The following MACROD1 variants were observed in gnomAD, a reference collection of about 807,000 sequenced individuals.
MACROD1 encodes mono-ADP ribosylhydrolase 1.
A neutral mutation model predicts 41.4 loss-of-function variants in MACROD1; 31 were observed. The ratio of observed to expected loss-of-function variants is 0.75; its 90% CI spans 0.56 to 1.01. MACROD1 has a LOEUF of 1.01. Ranked by LOEUF, MACROD1 falls within the 50% of genes least tolerant of loss-of-function variation. The pLI, the probability that MACROD1 is intolerant of heterozygous loss-of-function variation, is 0.00. For synonymous variants in MACROD1, 252 were observed against 203.4 expected, an observed-to-expected ratio of 1.24 and a Z score of -2.03; for missense variants, 473 against 460.0, an observed-to-expected ratio of 1.03 and a Z score of -0.26.
intron 4 of MACROD1, among the ~76,000 whole-genome samples, chr11:64,010,179 G>A (rs1942981994): frequency 6.6e-6 from 1 of 150,888 alleles, no homozygotes; most frequent in Non-Finnish European, 1.5e-5. Context: ...GTTGGTTGGT[G>A]TGTTGGCTGG....
intron 3 of MACROD1, among the ~76,000 whole-genome samples, chr11:64,028,308 T>C (rs950191316): frequency 3.3e-5 from 5 of 152,174 alleles, no homozygotes; most frequent in Non-Finnish European, 4.4e-5. Context: ...GGCCTTGTCC[T>C]GTGGGGACAC....
chr11:64,144,871 C>T (rs570882654), intron 3 of MACROD1, among the ~76,000 whole-genome samples: 2 of 152,402 alleles, frequency 1.3e-5, no homozygotes, highest in South Asian at 2.1e-4. Flanking sequence ...CAGATCACTT[C>T]CCACAAGGCA....
Position 64,036,840 on chromosome 11 carries a change from G to T in MACROD1, c.518-21559C>A, listed in dbSNP as rs2134376139. 6.6e-6 allele frequency among the ~76,000 whole-genome samples: 1 copy of T among 152,300 alleles called. No individual in the cohort carries two copies. Among genetic ancestry groups the T allele is most frequent in the South Asian group, 2.1e-4 (1 of 4,828 alleles). On this transcript the variant is annotated intron_variant, in intron 3 of 10. Transcript: ENST00000255681. This position sits in a 1 kb window ranked among gnomAD's most constrained non-coding sequence, Gnocchi z 5.6. Reference sequence around the variant, plus strand: ...CCCATCCCCCAGCTCTCAAGACAAGGAGGCGGCCCGACCCGGCGGCGCACG... The same window carrying T: ...CCCATCCCCCAGCTCTCAAGACAAGTAGGCGGCCCGACCCGGCGGCGCACG...
At chr11:64,109,429 C>T (rs186452255) in intron 3 of MACROD1, among the ~76,000 whole-genome samples, 124 of 152,260 alleles carry the variant, frequency 8.1e-4, no homozygotes, top group African/African-American at 2.8e-3. Flanking sequence ...TCTCCCCACT[C>T]GTGACACTGG....
intron 8 of MACROD1, 32 bp from the exon 9 acceptor site, chr11:63,999,068 C>A: frequency 6.4e-7 from 1 of 1,562,000 alleles, no homozygotes; most frequent in Non-Finnish European, 8.7e-7. Flanking sequence ...CTGGGCCGAG[C>A]TGCCACGCCT....
chr11:64,096,836 C>G lies in MACROD1; in HGVS notation c.517+54403G>C, dbSNP rs946348788. Among the ~76,000 whole-genome samples, 1 of 152,214 alleles carries G rather than the reference C, an allele frequency of 6.6e-6. No individual in the cohort carries two copies. Among genetic ancestry groups the G allele is most frequent in the African/African-American group, 2.4e-5 (1 of 41,468 alleles). On this transcript the variant is annotated intron_variant, in intron 3 of 10. Coordinates refer to ENST00000255681, the MANE Select transcript of MACROD1 (RefSeq NM_014067.4). This position sits in a 1 kb window ranked among gnomAD's most constrained non-coding sequence, Gnocchi z 4.6. ...CTGCCGTGTCCCCATACCCTCCAAG[C>G]ACACTGCCAGCTGTGTCCCTTCGAG... is the stretch of plus-strand genomic sequence containing the variant.
At chr11:64,002,250 G>A (rs1942838179) in intron 4 of MACROD1, among the ~76,000 whole-genome samples, 1 of 152,180 alleles carries the variant, frequency 6.6e-6, no homozygotes, top group African/African-American at 2.4e-5. Context: ...GTCTCTGGGG[G>A]CTCACCGCCC....
At chr11:64,110,162 G>T (rs1379855161) in intron 3 of MACROD1, among the ~76,000 whole-genome samples, 1 of 152,110 alleles carries the variant, frequency 6.6e-6, no homozygotes, top group Non-Finnish European at 1.5e-5. Flanking sequence ...AAATAACACA[G>T]CCTGAGGCCC....
chr11:64,058,922 T>A (rs947132262), intron 3 of MACROD1, among the ~76,000 whole-genome samples: 1 of 151,782 alleles, frequency 6.6e-6, no homozygotes, highest in Admixed American at 6.6e-5. Flanking sequence ...GAGGTGGGGG[T>A]GAGTGACACA....
chr11:64,086,885 A>G (rs1001952906), intron 3 of MACROD1: 1 of 152,136 alleles, frequency 6.6e-6, no homozygotes, highest in African/African-American at 2.4e-5. Context: ...GGTAGCAGGC[A>G]GCCCGCTAGC....
At position 64,051,479 on chromosome 11, in the gene MACROD1, G is replaced by A. The variant is rs1034521960; in HGVS notation, c.518-36198C>T. ...TGATTGAGTCTCATTGTTGTGGGGC[G>A]GGGGCACCCTCTCGGAAGCCTCGCT... On this transcript the variant is annotated intron_variant, in intron 3 of 10. Coordinates refer to ENST00000255681, the MANE Select transcript of MACROD1 (RefSeq NM_014067.4). 2.6e-5 allele frequency among the ~76,000 whole-genome samples: 4 copies of A among 152,310 alleles called. No homozygotes were observed. The South Asian group carries it at 6.2e-4, about 24-fold the overall frequency.
chr11:63,999,192 G>A (rs1472126487), intron 8 of MACROD1, 139 bp downstream of exon 8: 2 of 1,352,430 alleles, frequency 1.5e-6, no homozygotes, highest in Non-Finnish European at 2.0e-6. Flanking sequence ...CCACCGCCAG[G>A]CGCCCTTGCG....
intron 1 of MACROD1, among the ~76,000 whole-genome samples, chr11:64,152,703 C>T (rs1377633098): frequency 1.3e-5 from 2 of 152,192 alleles, no homozygotes; most frequent in East Asian, 3.8e-4. Context: ...CTCTGGGTCC[C>T]CCGTTTCTCC....
rs1945690190 is a variant in MACROD1 at position 64,157,663 on chromosome 11, CA to C, written c.299-5271del. On this transcript the variant is annotated intron_variant, in intron 1 of 10. Coordinates refer to ENST00000255681, the MANE Select transcript of MACROD1 (RefSeq NM_014067.4). ...AAGCCAAGCAGGAGGAAGCAGGCTC[CA>C]CCAGAACCATAAAGTGCAGCGGGCG... Among the ~76,000 whole-genome samples the C allele has an allele frequency of 3.3e-5, 5 of 152,288 alleles. No homozygotes were observed. The South Asian group carries it at 1.0e-3, about 32-fold the overall frequency.
Position 64,130,216 on chromosome 11 carries a change from C to A in MACROD1, c.517+21023G>T, listed in dbSNP as rs574742734. On this transcript the variant is annotated intron_variant, in intron 3 of 10. Coordinates refer to ENST00000255681, the MANE Select transcript of MACROD1 (RefSeq NM_014067.4). ...AGATTAGGGGCACGTGTGGGTAAGA[C>A]CCCCGAATGGCTGCCCTGCGGCCAA... is the stretch of plus-strand genomic sequence containing the variant. 2.0e-5 allele frequency among the ~76,000 whole-genome samples: 3 copies of A among 152,354 alleles called. No individual in the cohort carries two copies. The South Asian group carries it at 6.2e-4, about 32-fold the overall frequency.
intron 3 of MACROD1, among the ~76,000 whole-genome samples, chr11:64,076,236 G>C (rs1944197994): frequency 6.6e-6 from 1 of 152,156 alleles, no homozygotes; most frequent in Non-Finnish European, 1.5e-5. Context: ...TGCTTCCTTA[G>C]CAAGACCCTC....
chr11:64,079,563 G>A (rs370806700), intron 3 of MACROD1, among the ~76,000 whole-genome samples: 3 of 152,280 alleles, frequency 2.0e-5, no homozygotes, highest in Non-Finnish European at 2.9e-5. Flanking sequence ...CAGCCGCCAC[G>A]GGCACAGAGA....
chr11:64,028,440 G>A (rs1395621061), intron 3 of MACROD1, among the ~76,000 whole-genome samples: 1 of 152,240 alleles, frequency 6.6e-6, no homozygotes, highest in African/African-American at 2.4e-5. Context: ...AGGAGGGAGA[G>A]GGAGGAGGGA....
chr11:64,161,383 A>T (rs1945752896), intron 1 of MACROD1, among the ~76,000 whole-genome samples: 2 of 152,188 alleles, frequency 1.3e-5, no homozygotes, highest in African/African-American at 4.8e-5. Context: ...GACAGTACCA[A>T]GTGAAAAGAG....
Sources: allele counts gnomAD v4.1 joint callset (sites outside exome capture counted in the v4.1 genomes callset), GRCh38; gene constraint gnomAD v4.1.1; non-coding constraint Gnocchi (gnomAD v3.1); transcripts MANE v1.5; gene names NCBI Gene and HGNC (gene_info 2026-07-23, HGNC 2026-07-21).